IPCEF1: variants seen among roughly 807,000 people sequenced by gnomAD.
The protein encoded by IPCEF1 is interactor protein for cytohesin exchange factors 1.
IPCEF1 carries 31 observed loss-of-function variants against 50.9 expected under a neutral mutation model. The observed-to-expected ratio is 0.61, with a 90% CI of 0.46 to 0.82. The LOEUF is 0.82. Ranked by LOEUF, IPCEF1 falls within the 40% of genes least tolerant of loss-of-function variation. The probability of loss-of-function intolerance (pLI) is 0.00; values close to 1 mark genes in which losing one functional copy is unlikely to be tolerated. For missense variants in IPCEF1, 458 were observed against 514.0 expected, an observed-to-expected ratio of 0.89 and a Z score of 1.05; for synonymous variants, 181 against 192.0, an observed-to-expected ratio of 0.94 and a Z score of 0.47.
chr6:154,309,385 CAT>C (rs1269123931), intron 1 of IPCEF1, among the ~76,000 whole-genome samples: 29 of 152,328 alleles, frequency 1.9e-4, no homozygotes, highest in Middle Eastern at 3.4e-3. Context: ...GAGCTCACAA[CAT>C]GTGTTTAATG....
intron 11 of IPCEF1, among the ~76,000 whole-genome samples, chr6:154,164,727 T>C (rs532840196): frequency 6.6e-6 from 1 of 152,344 alleles, no homozygotes; most frequent in African/African-American, 2.4e-5. Flanking sequence ...TTCACCGCTC[T>C]TGTGACATAG....
rs200161512 is a variant in IPCEF1, at chr6:154,199,797, T to A, written c.781A>T (p.Asn261Tyr). The change falls in exon 10 of 12, where the codon AAC becomes TAC. Residue 261 changes from asparagine to tyrosine, a missense_variant. Coordinates refer to ENST00000367220, the MANE Select transcript of IPCEF1 (RefSeq NM_001130700.2). ...CCACTTTCTGATGTGACAAAACTGT[T>A]TTCCAGGGCCTTGTGGATGCCTGCC... ...SEAGIHKALE[N>Y]SFVTSESGFL... is the part of the protein sequence containing the mutation. 6.2e-7 allele frequency: 1 copy of A among 1,614,202 alleles called. No individual in the cohort carries two copies. Among genetic ancestry groups the A allele is most frequent in the African/African-American group, 1.3e-5 (1 of 75,048 alleles).
At chr6:154,245,906 A>C (rs1183942886) in intron 5 of IPCEF1, among the ~76,000 whole-genome samples, 1 of 152,256 alleles carries the variant, frequency 6.6e-6, no homozygotes. Context: ...AGCCATTTTC[A>C]AAAGAAAACT....
At chr6:154,282,619 A>G (rs970717244) in intron 2 of IPCEF1, among the ~76,000 whole-genome samples, 6 of 151,906 alleles carry the variant, frequency 3.9e-5, no homozygotes, top group Admixed American at 2.0e-4. Flanking sequence ...CCCGGGAGGC[A>G]GAGCTTGCAG....
chr6:154,232,843 T>C (rs925314223), intron 5 of IPCEF1, among the ~76,000 whole-genome samples: 3 of 151,954 alleles, frequency 2.0e-5, no homozygotes, highest in Non-Finnish European at 2.9e-5. Context: ...TAAAATTTGT[T>C]AAAGCTATAA....
intron 11 of IPCEF1, 103 bp downstream of exon 11, chr6:154,167,817 G>A: frequency 1.2e-6 from 1 of 850,460 alleles, no homozygotes. Context: ...GCCCTTCCCT[G>A]CAACCACACA....
At chr6:154,188,774 G>A (rs973731417) in intron 10 of IPCEF1, among the ~76,000 whole-genome samples, 5 of 152,182 alleles carry the variant, frequency 3.3e-5, no homozygotes, top group Admixed American at 1.3e-4. Context: ...GAAAAATGGC[G>A]TGTACAGAAA....
chr6:154,244,803 C>G (rs545892025), intron 5 of IPCEF1, among the ~76,000 whole-genome samples: 1 of 152,172 alleles, frequency 6.6e-6, no homozygotes, highest in African/African-American at 2.4e-5. Flanking sequence ...ATTTGATTCC[C>G]GGAGAAGATG....
intron 1 of IPCEF1, among the ~76,000 whole-genome samples, chr6:154,304,770 G>GA (rs201628677): frequency 8.2e-4 from 123 of 150,828 alleles, no homozygotes; most frequent in East Asian, 2.7e-3. Context: ...TTTGGAAAAA[G>GA]AAAAAAAAAT....
intron 2 of IPCEF1, among the ~76,000 whole-genome samples, chr6:154,271,786 C>A (rs1781907929): frequency 6.6e-6 from 1 of 152,102 alleles, no homozygotes. Context: ...GAGTATGAGA[C>A]CAGCCTGGGC....
chr6:154,254,350 T>C (rs1781408459), intron 3 of IPCEF1, among the ~76,000 whole-genome samples: 1 of 152,120 alleles, frequency 6.6e-6, no homozygotes, highest in Admixed American at 6.6e-5. Context: ...AAAGTTACGA[T>C]CATGGTGGAA....
At chr6:154,318,586 T>C (rs1443768550) in intron 1 of IPCEF1, among the ~76,000 whole-genome samples, 1 of 151,758 alleles carries the variant, frequency 6.6e-6, no homozygotes, top group African/African-American at 2.4e-5. Context: ...GTGTGGTGGC[T>C]CACGCCTCTA....
At chr6:154,255,697 C>A (rs1440695677) in intron 3 of IPCEF1, among the ~76,000 whole-genome samples, 1 of 152,118 alleles carries the variant, frequency 6.6e-6, no homozygotes, top group Non-Finnish European at 1.5e-5. Context: ...CATATCTTAG[C>A]TCTTTTTTAA....
chr6:154,258,452 T>C (rs764546726), intron 3 of IPCEF1, among the ~76,000 whole-genome samples: 2 of 152,224 alleles, frequency 1.3e-5, no homozygotes, highest in Non-Finnish European at 2.9e-5. Context: ...TGTTTTGCTA[T>C]GCCTCTGAAA....
intron 1 of IPCEF1, among the ~76,000 whole-genome samples, chr6:154,315,850 G>A (rs1285675216): frequency 6.6e-6 from 1 of 151,940 alleles, no homozygotes; most frequent in African/African-American, 2.4e-5. Context: ...AGCGGTGGTG[G>A]ACAGTCTCAC....
At chr6:154,256,213 G>A (rs2128648544) in intron 3 of IPCEF1, among the ~76,000 whole-genome samples, 1 of 152,208 alleles carries the variant, frequency 6.6e-6, no homozygotes, top group South Asian at 2.1e-4. Flanking sequence ...TTTACACATG[G>A]CCATTTTCTT....
chr6:154,317,195 A>T (rs1783241745), intron 1 of IPCEF1, among the ~76,000 whole-genome samples: 2 of 152,170 alleles, frequency 1.3e-5, no homozygotes, highest in African/African-American at 4.8e-5. Context: ...AAGAATCTGT[A>T]CCTAGAATAC....
chr6:154,170,076 T>C (rs1799753670), intron 10 of IPCEF1, among the ~76,000 whole-genome samples: 1 of 152,196 alleles, frequency 6.6e-6, no homozygotes, highest in South Asian at 2.1e-4. Flanking sequence ...TTTCCAATCA[T>C]ATGCACCTGG....
intron 1 of IPCEF1, among the ~76,000 whole-genome samples, chr6:154,305,240 C>G (rs1255661528): frequency 2.0e-5 from 3 of 152,080 alleles, no homozygotes; most frequent in Non-Finnish European, 4.4e-5. Flanking sequence ...GACAAAAAAC[C>G]AGTAGGAGGT....
Sources: allele counts gnomAD v4.1 joint callset (sites outside exome capture counted in the v4.1 genomes callset), GRCh38; gene constraint gnomAD v4.1.1; transcripts MANE v1.5; gene names NCBI Gene and HGNC (gene_info 2026-07-23, HGNC 2026-07-21).